OPHN1: variants seen among roughly 807,000 people sequenced by gnomAD.
The protein encoded by OPHN1 is oligophrenin-1.
Under a neutral mutation model 60.7 loss-of-function variants are expected in OPHN1, and 11 were observed. The observed-to-expected ratio is 0.18, with a 90% CI of 0.11 to 0.30. The LOEUF (loss-of-function observed/expected upper bound fraction) is 0.30, where lower values mean the gene tolerates loss of function less well. Ranked by LOEUF, OPHN1 falls within the 10% of genes least tolerant of loss-of-function variation. The pLI, the probability that OPHN1 is intolerant of heterozygous loss-of-function variation, is 1.00. For missense variants in OPHN1, 449 were observed against 611.0 expected (o/e 0.73, Z 2.80); for synonymous variants, 226 against 222.6 (o/e 1.02, Z -0.14).
At chrX:68,383,543 G>A (rs1453091184) in intron 2 of OPHN1, among the ~76,000 whole-genome samples, 3 of 97,161 alleles carry the variant, frequency 3.1e-5, no homozygotes, top group African/African-American at 1.1e-4. Context: ...AGGTTGCAGT[G>A]AGCCGAGGTC....
At chrX:68,122,166 A>C (rs1032366153) in intron 15 of OPHN1, among the ~76,000 whole-genome samples, 5 of 111,664 alleles carry the variant, frequency 4.5e-5, no homozygotes, top group African/African-American at 1.6e-4. Flanking sequence ...CTTTAAAAGT[A>C]AAAGGAGAAA....
In OPHN1 at chrX:68,096,932, C is replaced by T; in HGVS notation, c.1624G>A (p.Ala542Thr). ...TTCTGGAATTTGATGTTCATCATGG[C>T]GGCCACAGTGTCCTCCTGAGCTCTC... ...LMRAQEDTVA[A>T]MMNIKFQNIV... The change falls in exon 19 of 25, where the codon GCC (alanine) becomes ACC (threonine). Residue 542 changes from alanine to threonine, a missense_variant. Ala to Thr is a moderately conservative substitution (Grantham distance 58). Around this residue, in one of 4 missense-constraint regions of OPHN1, gnomAD observed 166 missense variants for 278.4 expected, o/e 0.60. Coordinates refer to ENST00000355520, the MANE Select transcript of OPHN1 (RefSeq NM_002547.3). 8.3e-7 allele frequency: 1 copy of T among 1,210,180 alleles called. No individual in the cohort carries two copies.
At chrX:68,397,060 C>T (rs1178697960) in intron 2 of OPHN1, among the ~76,000 whole-genome samples, 1 of 111,429 alleles carries the variant, frequency 9.0e-6, no homozygotes, top group Admixed American at 9.5e-5. Flanking sequence ...CTGCTCTTGC[C>T]TTGGAGCAAC....
rs770299149 is a variant in OPHN1 at position 68,145,011 on chromosome X, A to G, written c.1277-25679T>C. Among the ~76,000 whole-genome samples the G allele has an allele frequency of 2.1e-3, 236 of 111,553 alleles. 14 individuals carry two copies. The highest frequency in any genetic ancestry group is 1.4e-3 in the Non-Finnish European group (76 of 53,071). ...ATGTACAATGCTTTGCAGGTTTTCT[A>G]GGACAGTACTGAGGAAAGTCTTCGA... On this transcript the variant is annotated intron_variant, in intron 15 of 24. Transcript: ENST00000355520.
At chrX:68,133,772 T>A (rs1386949932) in intron 15 of OPHN1, among the ~76,000 whole-genome samples, 6 of 111,728 alleles carry the variant, frequency 5.4e-5, no homozygotes, top group Non-Finnish European at 1.1e-4. Flanking sequence ...CTGTAAGAAG[T>A]GTGTATGAGA....
intron 15 of OPHN1, among the ~76,000 whole-genome samples, chrX:68,139,154 G>A (rs2077232449): frequency 9.0e-6 from 1 of 111,602 alleles, no homozygotes; most frequent in African/African-American, 3.3e-5. Flanking sequence ...AGTGAGGGGA[G>A]CTATAGATTA....
chrX:68,125,930 A>ATATAT (rs2077168269), intron 15 of OPHN1, among the ~76,000 whole-genome samples: 2 of 22,260 alleles, frequency 9.0e-5, no homozygotes, highest in East Asian at 3.0e-3. Flanking sequence ...ACCACTGATC[A>ATATAT]ATATATATAT....
At chrX:68,213,232 A>G (rs1439341582) in intron 7 of OPHN1, among the ~76,000 whole-genome samples, 1 of 111,275 alleles carries the variant, frequency 9.0e-6, no homozygotes, top group Non-Finnish European at 1.9e-5. Flanking sequence ...TTAGCTCGGT[A>G]TGGAGGCATG....
At chrX:68,065,906 A>G (rs1399213742) in intron 20 of OPHN1, among the ~76,000 whole-genome samples, 1 of 112,309 alleles carries the variant, frequency 8.9e-6, no homozygotes, top group Non-Finnish European at 1.9e-5. Flanking sequence ...ATTTGCCACC[A>G]CTGATGCCAC....
chrX:68,101,507 A>G (rs2077058700), intron 18 of OPHN1, among the ~76,000 whole-genome samples: 1 of 112,401 alleles, frequency 8.9e-6, no homozygotes, highest in Non-Finnish European at 1.9e-5. Context: ...AACATGTATA[A>G]CGTATTAGTT....
At chrX:68,107,696 G>A (rs764761375) in intron 18 of OPHN1, among the ~76,000 whole-genome samples, 24 of 110,643 alleles carry the variant, frequency 2.2e-4, no homozygotes, top group Non-Finnish European at 7.6e-5. Flanking sequence ...GGCTGGTCTC[G>A]AACTCGTTAC....
At chrX:68,277,470 T>C (rs988671539) in intron 4 of OPHN1, among the ~76,000 whole-genome samples, 4 of 111,834 alleles carry the variant, frequency 3.6e-5, no homozygotes, top group Non-Finnish European at 5.6e-5. Context: ...CAATAGATAA[T>C]TAGAAAGACA....
intron 20 of OPHN1, among the ~76,000 whole-genome samples, chrX:68,068,449 C>A (rs959821884): frequency 2.5e-5 from 2 of 79,793 alleles, no homozygotes; most frequent in African/African-American, 9.8e-5. Flanking sequence ...CCAGCCCAGG[C>A]GACACTGTGA....
chrX:68,315,021 A>G (rs2078192843), intron 2 of OPHN1, among the ~76,000 whole-genome samples: 1 of 108,881 alleles, frequency 9.2e-6, no homozygotes, highest in Non-Finnish European at 1.9e-5. Flanking sequence ...AAAGAGACAC[A>G]GAGAGAGAAT....
intron 2 of OPHN1, among the ~76,000 whole-genome samples, chrX:68,422,527 GA>G (rs1270882808): frequency 2.2e-5 from 2 of 92,203 alleles, no homozygotes; most frequent in African/African-American, 8.1e-5. Context: ...GAAAGAAAAA[GA>G]AAGAAAGAAG....
intron 21 of OPHN1, among the ~76,000 whole-genome samples, chrX:68,058,259 A>AAT (rs1556083908): frequency 6.5e-4 from 66 of 101,977 alleles, no homozygotes; most frequent in African/African-American, 2.3e-3. Flanking sequence ...CCTACACTCT[A>AAT]ACACACACAC....
chrX:68,089,205 T>C (rs1258157729), intron 19 of OPHN1, among the ~76,000 whole-genome samples: 1 of 111,461 alleles, frequency 9.0e-6, no homozygotes, highest in Non-Finnish European at 1.9e-5. Flanking sequence ...TCTTACTGTA[T>C]TATCTAGACT....
intron 15 of OPHN1, among the ~76,000 whole-genome samples, chrX:68,174,469 C>CTTTTTTTT (rs767690922): frequency 6.5e-5 from 5 of 76,340 alleles, no homozygotes; most frequent in South Asian, 8.2e-4. Flanking sequence ...TTAACTTATT[C>CTTTTTTTT]TTTTTTTTTT....
At chrX:68,190,410 G>A (rs1164856839) in intron 15 of OPHN1, among the ~76,000 whole-genome samples, 1 of 112,065 alleles carries the variant, frequency 8.9e-6, no homozygotes, top group Non-Finnish European at 1.9e-5. Flanking sequence ...TTTGGGGCAG[G>A]GATCGGGGTT....
Sources: gnomAD v4.1 joint callset for allele counts (sites outside exome capture counted in the v4.1 genomes callset) on GRCh38, gnomAD v4.1.1 for gene constraint, gnomAD v4.1.1 regional missense constraint, MANE v1.5 for transcripts, NCBI Gene and HGNC (gene_info 2026-07-23, HGNC 2026-07-21) for gene names.